RNF14: variants seen among roughly 807,000 people sequenced by gnomAD.
RNF14 encodes E3 ubiquitin-protein ligase RNF14.
Under a neutral mutation model 52.6 loss-of-function variants are expected in RNF14, and 26 were observed. The ratio of observed to expected loss-of-function variants is 0.49; its 90% CI spans 0.36 to 0.69. RNF14 has a LOEUF of 0.69. Among genes scored for constraint, RNF14 ranks in the 30% least tolerant of loss-of-function variants. RNF14 has a pLI of 0.00. For synonymous variants in RNF14, 194 were observed against 202.0 expected (o/e 0.96, Z 0.34); for missense variants, 404 against 560.4 (o/e 0.72, Z 2.82).
chr5:141,971,008 A>T (rs1402729182), intron 2 of RNF14, 131 bp downstream of exon 2: 1 of 152,276 alleles, frequency 6.6e-6, no homozygotes, highest in Admixed American at 6.5e-5. Flanking sequence ...ATTTCATAGT[A>T]TGACCTTTTA....
intron 1 of RNF14, among the ~76,000 whole-genome samples, chr5:141,961,224 CTG>C (rs1434116353): frequency 1.3e-5 from 2 of 151,408 alleles, no homozygotes; most frequent in Non-Finnish European, 2.9e-5. Context: ...GTGTGTGTGT[CTG>C]TGTTTTGACT....
intron 1 of RNF14, among the ~76,000 whole-genome samples, chr5:141,959,781 C>T (rs1427531273): frequency 6.6e-6 from 1 of 152,158 alleles, no homozygotes; most frequent in Non-Finnish European, 1.5e-5. Context: ...AATCCAGGGC[C>T]ACCTCCTACA....
At chr5:141,970,036 CATTCTT>C (rs1478496620) in intron 1 of RNF14, among the ~76,000 whole-genome samples, 15 of 152,186 alleles carry the variant, frequency 9.9e-5, no homozygotes, top group African/African-American at 3.6e-4. Context: ...TTCTGAATCT[CATTCTT>C]ATCTCATTTG....
chr5:141,962,170 T>C (rs185306606), upstream of RNF14, among the ~76,000 whole-genome samples: 28 of 152,336 alleles, frequency 1.8e-4, no homozygotes, highest in Admixed American at 2.6e-4. Context: ...CAGGGCACTT[T>C]GTGGACTTTG....
chr5:141,958,185 C>T, upstream of RNF14: 2 of 264,670 alleles, frequency 7.6e-6, no homozygotes, highest in Non-Finnish European at 1.4e-5. Context: ...GGGACTCTGA[C>T]TGCCAAACAG....
chr5:141,971,594 T>C lies in RNF14; in HGVS notation c.-7+717T>C, dbSNP rs1286260533. 1.7e-4 allele frequency among the ~76,000 whole-genome samples: 24 copies of C among 143,830 alleles called. 1 individual carries two copies. Among genetic ancestry groups the C allele is most frequent in the Non-Finnish European group, 3.5e-4 (23 of 64,918 alleles). 94.4% of individuals were successfully genotyped at this position (143,830 alleles called of 152,430 possible). On this transcript the variant is annotated intron_variant, in intron 2 of 8. Coordinates refer to ENST00000394520, the MANE Select transcript of RNF14 (RefSeq NM_004290.5). ...TTCTTTCTTTCTTTCTTTCTTTCTT[T>C]CTTTCTTTCTTTCTTTCCTTTCTTT...
At chr5:141,964,958 A>G (rs1477917152), upstream of RNF14, among the ~76,000 whole-genome samples, 3 of 152,196 alleles carry the variant, frequency 2.0e-5, no homozygotes, top group South Asian at 4.1e-4. Flanking sequence ...AAAAAAAACA[A>G]TGTTTCAGAG....
chr5:141,952,092 A>T, the RNF14 span, among the ~76,000 whole-genome samples: 13 of 152,366 alleles, frequency 8.5e-5, no homozygotes, highest in East Asian at 2.5e-3. Context: ...ACAAGTACTT[A>T]ATAAGTGCCA....
intron 1 of RNF14, among the ~76,000 whole-genome samples, chr5:141,959,977 T>G (rs1192013406): frequency 3.2e-4 from 48 of 152,232 alleles, no homozygotes. Context: ...TTTTGCTGTT[T>G]ATTATCTTCC....
chr5:141,961,203 T>TGG (rs886696783), intron 1 of RNF14, among the ~76,000 whole-genome samples: 3 of 151,966 alleles, frequency 2.0e-5, no homozygotes, highest in African/African-American at 7.3e-5. Context: ...ATATATCTGT[T>TGG]GGGTGTGTGT....
At chr5:141,950,835 A>G in the RNF14 span, among the ~76,000 whole-genome samples, 1 of 152,140 alleles carries the variant, frequency 6.6e-6, no homozygotes, top group Non-Finnish European at 1.5e-5. Flanking sequence ...TGCACCTACT[A>G]TGTGTCAGTT....
At chr5:141,957,420 G>C (rs1383374115), upstream of RNF14, 4 of 1,613,114 alleles carry the variant, frequency 2.5e-6, no homozygotes, top group Admixed American at 3.3e-5. This position sits in a 1 kb window ranked among gnomAD's most constrained non-coding sequence, Gnocchi z 4.3. Context: ...CGCTCTCAGA[G>C]ATTTCCAGCT....
intron 6 of RNF14, among the ~76,000 whole-genome samples, chr5:141,981,926 T>C (rs1378321867): frequency 6.6e-6 from 1 of 152,138 alleles, no homozygotes; most frequent in East Asian, 1.9e-4. Flanking sequence ...CTTGCTAATG[T>C]TAGCAGACTG....
At chr5:141,957,577 A>C, upstream of RNF14, 1 of 1,614,222 alleles carries the variant, frequency 6.2e-7, no homozygotes, top group Non-Finnish European at 8.5e-7. This position sits in a 1 kb window ranked among gnomAD's most constrained non-coding sequence, Gnocchi z 4.3. Context: ...CTCTCGATCC[A>C]GCCGCCTGCC....
rs934600246 is a variant in RNF14 at position 141,988,883 on chromosome 5, A to C, written c.*1093A>C. 1 of 152,332 alleles carries C rather than the reference A, an allele frequency of 6.6e-6. No homozygotes were observed. Among genetic ancestry groups the C allele is most frequent in the Non-Finnish European group, 1.5e-5 (1 of 68,038 alleles). 9.4% of individuals were successfully genotyped at this position (152,332 alleles called of 1,614,324 possible). A position where few individuals can be genotyped will look rare whatever the true frequency, so the allele number is the denominator to read the frequency against. On this transcript the variant is annotated 3_prime_UTR_variant, in exon 9 of 9. Transcript: ENST00000394520. ...CTTTGCAACAGCAGTGTTCTGGGTGATAATTTTGAATTGATACCTGTTCCT... is the reference window on the plus strand; with the variant it reads ...CTTTGCAACAGCAGTGTTCTGGGTGCTAATTTTGAATTGATACCTGTTCCT...
At chr5:141,956,933 G>A (rs748089342), upstream of RNF14, 20 of 1,613,990 alleles carry the variant, frequency 1.2e-5, no homozygotes, top group East Asian at 2.2e-5. Context: ...AGAGGTCGAC[G>A]CAGAATGACC....
chr5:141,967,488 T>TAAGTCCCCA (rs1753386073), upstream of RNF14, among the ~76,000 whole-genome samples: 1 of 152,130 alleles, frequency 6.6e-6, no homozygotes, highest in Non-Finnish European at 1.5e-5. Flanking sequence ...TCCTTCCCCC[T>TAAGTCCCCA]AAGTCCCCAA....
Position 141,974,966 on chromosome 5 carries a change from A to G in RNF14, c.306+11A>G. The G allele has an allele frequency of 6.2e-7, 1 of 1,611,020 alleles. No individual in the cohort carries two copies. The highest frequency in any genetic ancestry group is 8.5e-7 in the Non-Finnish European group (1 of 1,179,166). The stretch of plus-strand genomic sequence containing the variant: ...CTGTCACCAACTCAGGTTAGACTTG[A>G]AACTTAATTTTTCCTATCCATTTTT... On this transcript the variant is annotated intron_variant, in intron 4 of 8. Transcript: ENST00000394520.
Position 141,980,319 on chromosome 5 carries a change from ACCATGGGGTCTCC to A in RNF14, c.1037_1049del (p.Gly346ValfsTer3). The stretch of plus-strand genomic sequence containing the variant: ...TTCTGTACTTTGTGCAGGTTGACCT[ACCATGGGGTCTCC>A]CCATGTAAGGTGACTGCAGGTATGT... On this transcript the variant is annotated frameshift_variant, in exon 6 of 9. Transcript: ENST00000394520. LOFTEE classifies it high-confidence loss of function. 6.2e-7 allele frequency: 1 copy of A among 1,614,142 alleles called. No homozygotes were observed. The highest frequency in any genetic ancestry group is 8.5e-7 in the Non-Finnish European group (1 of 1,180,002).
Sources: allele counts gnomAD v4.1 joint callset (sites outside exome capture counted in the v4.1 genomes callset), GRCh38; gene constraint gnomAD v4.1.1; non-coding constraint Gnocchi (gnomAD v3.1); transcripts MANE v1.5; gene names NCBI Gene and HGNC (gene_info 2026-07-23, HGNC 2026-07-21).